The following EML4 variants were observed in gnomAD, a reference collection of about 807,000 sequenced individuals.
The protein encoded by EML4 is EMAP like 4, also known as echinoderm microtubule-associated protein-like 4.
In EML4, 72 loss-of-function variants were observed where a neutral mutation model predicts 129.0. The observed-to-expected ratio is 0.56, with a 90% CI of 0.46 to 0.68. The LOEUF (loss-of-function observed/expected upper bound fraction) is 0.68, where lower values mean the gene tolerates loss of function less well. Among genes scored for constraint, EML4 ranks in the 30% least tolerant of loss-of-function variants. The pLI is 0.00. For missense variants in EML4, 1,363 were observed against 1,190.6 expected (o/e 1.14, Z -2.13); for synonymous variants, 532 against 405.0 (o/e 1.31, Z -3.77).
At chr2:42,286,212 A>T (rs561712773) in intron 9 of EML4, 57 bp from the exon 10 acceptor site, 11 of 927,916 alleles carry the variant, frequency 1.2e-5, no homozygotes, top group Non-Finnish European at 2.0e-5. Flanking sequence ...TCTGTGTGCT[A>T]TTGGTGTTTA....
intron 4 of EML4, 110 bp from the exon 5 acceptor site, chr2:42,263,068 G>GGA: frequency 1.1e-6 from 1 of 885,464 alleles, no homozygotes; most frequent in Non-Finnish European, 1.7e-6. Flanking sequence ...TCTCTTTTCT[G>GGA]GATTAGCTTT....
intron 1 of EML4, among the ~76,000 whole-genome samples, chr2:42,239,004 C>T (rs1039189995): frequency 1.3e-5 from 2 of 152,130 alleles, no homozygotes; most frequent in Non-Finnish European, 2.9e-5. Flanking sequence ...CCTCGGCTCA[C>T]GCAATCATCC....
At position 42,303,312 on chromosome 2, in the gene EML4, C is replaced by A; in HGVS notation, c.1768-3C>A. 6.2e-7 allele frequency: 1 copy of A among 1,613,958 alleles called. No individual in the cohort carries two copies. On this transcript the variant is annotated splice_region_variant and splice_polypyrimidine_tract_variant and intron_variant, in intron 15 of 22. Transcript: ENST00000318522. ...TATAACAATGAGTGTCTTTCATTTT[C>A]AGGGTCATACAGATGAGCTTTGGGG...
At chr2:42,283,809 A>G (rs943495836) in intron 8 of EML4, among the ~76,000 whole-genome samples, 1 of 152,210 alleles carries the variant, frequency 6.6e-6, no homozygotes, top group African/African-American at 2.4e-5. Context: ...GTTGGGGACT[A>G]CTGGTGAGGT....
intron 5 of EML4, among the ~76,000 whole-genome samples, chr2:42,263,665 A>G (rs1330660782): frequency 6.6e-6 from 1 of 151,770 alleles, no homozygotes; most frequent in Non-Finnish European, 1.5e-5. Context: ...CGCCTCCCAA[A>G]GTGCTGGGAT....
At chr2:42,207,512 T>C (rs1672631732) in intron 1 of EML4, among the ~76,000 whole-genome samples, 1 of 152,206 alleles carries the variant, frequency 6.6e-6, no homozygotes, top group Admixed American at 6.5e-5. Context: ...TTAGCAGCTC[T>C]ACCTGAACCA....
At chr2:42,325,368 CCAA>C in intron 19 of EML4, 96 bp from the exon 20 acceptor site, 1 of 616,892 alleles carries the variant, frequency 1.6e-6, no homozygotes, top group Non-Finnish European at 3.1e-6. Flanking sequence ...TTTAGAAATT[CCAA>C]CAAATGTGTA....
intron 2 of EML4, among the ~76,000 whole-genome samples, chr2:42,247,209 G>A (rs1318692861): frequency 6.6e-6 from 1 of 152,200 alleles, no homozygotes; most frequent in Non-Finnish European, 1.5e-5. Context: ...GAGAATTTGA[G>A]AAGGGATCTT....
At chr2:42,190,302 G>A (rs145399205) in intron 1 of EML4, among the ~76,000 whole-genome samples, 21 of 152,242 alleles carry the variant, frequency 1.4e-4, no homozygotes, top group South Asian at 6.2e-4. Context: ...TCAGGTCATA[G>A]TTAGGAGGTT....
chr2:42,245,410 C>A lies in EML4; in HGVS notation c.26-95C>A, dbSNP rs78807040. The A allele has an allele frequency of 3.7e-3, 4,604 of 1,237,104 alleles. 140 individuals carry two copies. In the African/African-American group the frequency reaches 0.06, roughly 16 times the overall value. 76.6% of individuals were successfully genotyped at this position (1,237,104 alleles called of 1,614,324 possible). On this transcript the variant is annotated intron_variant, in intron 1 of 22. Coordinates refer to ENST00000318522, the MANE Select transcript of EML4 (RefSeq NM_019063.5). Reference sequence around the variant, plus strand: ...TTCACCTAGCCAGAATTTTTCTCATCTTTTGTAAGTCTTATGTGGGATGGT... The same window carrying A: ...TTCACCTAGCCAGAATTTTTCTCATATTTTGTAAGTCTTATGTGGGATGGT...
At chr2:42,278,308 C>T (rs1666773054) in intron 6 of EML4, among the ~76,000 whole-genome samples, 2 of 152,120 alleles carry the variant, frequency 1.3e-5, no homozygotes, top group Non-Finnish European at 2.9e-5. Flanking sequence ...TGCGGTGGCT[C>T]ACACAGGTAA....
chr2:42,204,315 G>A (rs1243663667), intron 1 of EML4, among the ~76,000 whole-genome samples: 1 of 152,162 alleles, frequency 6.6e-6, no homozygotes, highest in Non-Finnish European at 1.5e-5. Flanking sequence ...GACAGGTTTT[G>A]AACCCAGGTT....
chr2:42,239,555 C>T (rs1490026801), intron 1 of EML4, among the ~76,000 whole-genome samples: 2 of 152,190 alleles, frequency 1.3e-5, no homozygotes, highest in Admixed American at 1.3e-4. Context: ...TGAGAGGTTT[C>T]TGGATCTCCG....
At chr2:42,261,047 A>G in intron 3 of EML4, 74 bp from the exon 4 acceptor site, 6 of 1,137,622 alleles carry the variant, frequency 5.3e-6, no homozygotes, top group Non-Finnish European at 7.5e-6. Flanking sequence ...TTATATAATA[A>G]TCACTTTTCT....
At chr2:42,233,590 AGCCACC>A (rs1449306054) in intron 1 of EML4, among the ~76,000 whole-genome samples, 1 of 152,134 alleles carries the variant, frequency 6.6e-6, no homozygotes, top group African/African-American at 2.4e-5. Context: ...TACAGGCTTG[AGCCACC>A]GCACCCAGCC....
intron 1 of EML4, among the ~76,000 whole-genome samples, chr2:42,172,915 A>G (rs1398314375): frequency 6.6e-6 from 1 of 152,190 alleles, no homozygotes; most frequent in African/African-American, 2.4e-5. Flanking sequence ...CTTGGAATTA[A>G]CCTAGAGATT....
chr2:42,311,976 C>T (rs1668978481), intron 17 of EML4, among the ~76,000 whole-genome samples: 1 of 152,144 alleles, frequency 6.6e-6, no homozygotes, highest in African/African-American at 2.4e-5. Context: ...TCCCAAAGTG[C>T]TAGGATTGCA....
At chr2:42,263,656 G>A (rs576653605) in intron 5 of EML4, among the ~76,000 whole-genome samples, 18 of 151,866 alleles carry the variant, frequency 1.2e-4, no homozygotes, top group Non-Finnish European at 1.9e-4. Context: ...GCCTGCCTCC[G>A]CCTCCCAAAG....
In EML4 at chr2:42,281,063, A is replaced by AG; in HGVS notation, c.791+90_791+91insG. 5 of 1,121,964 alleles carry AG rather than the reference A, an allele frequency of 4.5e-6. No individual in the cohort carries two copies. The African/African-American group carries it at 8.0e-5, about 18-fold the overall frequency. 69.5% of individuals were successfully genotyped at this position (1,121,964 alleles called of 1,614,324 possible). ...TATTCTCTGTCAAAATTGTCTTTATACAAAAAAAAAAAGTAACAGCTACTT... is the reference window on the plus strand; with the variant it reads ...TATTCTCTGTCAAAATTGTCTTTATAGCAAAAAAAAAAAGTAACAGCTACTT... On this transcript the variant is annotated intron_variant, in intron 7 of 22. Transcript: ENST00000318522.
Sources: allele counts gnomAD v4.1 joint callset (sites outside exome capture counted in the v4.1 genomes callset), GRCh38; gene constraint gnomAD v4.1.1; transcripts MANE v1.5; gene names NCBI Gene and HGNC (gene_info 2026-07-23, HGNC 2026-07-21).